The following LHX9 variants were observed in gnomAD, a reference collection of about 807,000 sequenced individuals.
LHX9 encodes LIM homeobox 9.
A neutral mutation model predicts 36.5 loss-of-function variants in LHX9; 9 were observed. The observed-to-expected ratio is 0.25, with a 90% CI of 0.15 to 0.43. The LOEUF is 0.43. Ranked by LOEUF, LHX9 falls within the 20% of genes least tolerant of loss-of-function variation. The pLI is 1.00. For synonymous variants in LHX9, 211 were observed against 212.1 expected (o/e 0.99, Z 0.04); for missense variants, 464 against 526.4 (o/e 0.88, Z 1.16).
At chr1:197,920,268 C>T (rs1358588511) in intron 2 of LHX9, 94 bp downstream of exon 2, 4 of 1,255,166 alleles carry the variant, frequency 3.2e-6, no homozygotes, top group South Asian at 1.3e-5. Flanking sequence ...CTACCTTTTG[C>T]CCCATTCCGG....
chr1:197,927,664 C>T lies in LHX9; in HGVS notation c.807C>T (p.Arg269=), dbSNP rs115445561. The T allele has an allele frequency of 1.6e-5, 26 of 1,614,198 alleles. No homozygotes were observed. In the African/African-American group the frequency reaches 3.1e-4, roughly 19 times the overall value. The change falls in exon 4 of 5, where the codon CGC becomes CGT. Residue 269 remains arginine, a synonymous_variant. Transcript: ENST00000367387. ...ATCCACCCTCGCAGAAGACCAAGCG[C>T]ATGCGAACCTCTTTCAAGCATCACC... The part of the protein sequence containing the change: ...QPYPPSQKTK[R]MRTSFKHHQL...
At chr1:197,926,068 A>C (rs963069494) in intron 3 of LHX9, among the ~76,000 whole-genome samples, 6 of 152,228 alleles carry the variant, frequency 3.9e-5, no homozygotes, top group Non-Finnish European at 7.3e-5. Flanking sequence ...TTTTTACATT[A>C]GGAAGAATTT....
In LHX9 at chr1:197,921,566, C is replaced by T. The variant is rs892127571; in HGVS notation, c.640C>T (p.Pro214Ser). 5 of 1,612,958 alleles carry T rather than the reference C, an allele frequency of 3.1e-6. No homozygotes were observed. Among genetic ancestry groups the T allele is most frequent in the Non-Finnish European group, 4.2e-6 (5 of 1,179,986 alleles). ...GGCCAAGAGCGGCGGCCTGGCCCTG[C>T]CTTACTTCAACGGTACGGGCACCGT... Reference protein sequence around the residue: ...LAAKSGGLALPYFNGTGTVQK... With the variant: ...LAAKSGGLALSYFNGTGTVQK... Residue 214 changes from proline to serine, a missense_variant, in exon 3 of 5, where the codon CCT becomes TCT. By Grantham distance (74) the Pro-to-Ser change is moderately conservative. Coordinates refer to ENST00000367387, the MANE Select transcript of LHX9 (RefSeq NM_020204.3). The surrounding 1 kb of genome is among the most constrained non-coding windows in gnomAD (Gnocchi z 4.6).
chr1:197,924,448 G>T (rs1660086669), intron 3 of LHX9, among the ~76,000 whole-genome samples: 1 of 152,188 alleles, frequency 6.6e-6, no homozygotes, highest in African/African-American at 2.4e-5. Context: ...CCCTAGTTTT[G>T]TTTATACCTC....
upstream of LHX9, among the ~76,000 whole-genome samples, chr1:197,913,560 C>T (rs1109965): frequency 0.42 from 63,086 of 151,982 alleles, 15,833 homozygotes; most frequent in Non-Finnish European, 0.56. Context: ...GAGAAAGGCC[C>T]CAGCGTGTCC....
intron 4 of LHX9, 65 bp downstream of exon 4, chr1:197,927,858 C>G: frequency 7.2e-7 from 1 of 1,392,242 alleles, no homozygotes; most frequent in Non-Finnish European, 1.0e-6. Context: ...AAATAGTGCT[C>G]TTCCCTGGTT....
Position 197,929,681 on chromosome 1 carries a change from A to G in LHX9, c.*422A>G. ...TAAAGAACCAGATAATTAATTAGTTACTTTTTAAATCTTGCAATTGTATGT... is the reference window on the plus strand; with the variant it reads ...TAAAGAACCAGATAATTAATTAGTTGCTTTTTAAATCTTGCAATTGTATGT... On this transcript the variant is annotated 3_prime_UTR_variant, in exon 5 of 5. Coordinates refer to ENST00000367387, the MANE Select transcript of LHX9 (RefSeq NM_020204.3). The G allele has an allele frequency of 1.1e-6, 1 of 923,796 alleles. No individual in the cohort carries two copies. The highest frequency in any genetic ancestry group is 1.8e-5 in the African/African-American group (1 of 56,118). 57.2% of individuals were successfully genotyped at this position (923,796 alleles called of 1,614,324 possible). A position where few individuals can be genotyped will look rare whatever the true frequency, so the allele number is the denominator to read the frequency against.
chr1:197,930,485 A>G lies in LHX9; in HGVS notation c.*1226A>G, dbSNP rs1312148635. The stretch of plus-strand genomic sequence containing the variant: ...TGTTCATCTATTACGCTTCTGTTGT[A>G]GTTAAATACCAATTAGATTGTGGAT... On this transcript the variant is annotated 3_prime_UTR_variant, in exon 5 of 5. Transcript: ENST00000367387. 3 of 152,002 alleles carry G rather than the reference A, an allele frequency of 2.0e-5. No individual in the cohort carries two copies. Among genetic ancestry groups the G allele is most frequent in the East Asian group, 1.9e-4 (1 of 5,198 alleles). The allele number at this position is 152,002 out of a possible 1,614,324, so 9.4% of individuals were successfully genotyped here.
chr1:197,927,851 T>C, intron 4 of LHX9, 58 bp downstream of exon 4: 2 of 1,449,554 alleles, frequency 1.4e-6, no homozygotes, highest in Non-Finnish European at 1.9e-6. Context: ...CCAGTAAAAA[T>C]AGTGCTCTTC....
rs1379669973 is a variant in LHX9 at position 197,917,818 on chromosome 1, G to T, written c.-6G>T. 1 of 1,614,098 alleles carries T rather than the reference G, an allele frequency of 6.2e-7. No homozygotes were observed. Among genetic ancestry groups the T allele is most frequent in the South Asian group, 1.1e-5 (1 of 91,062 alleles). ...CGGATGAGCTGAAAGCCCCGGGCGT[G>T]TGTATATGGAAATAGTGGGGTGCCG... On this transcript the variant is annotated 5_prime_UTR_variant, in exon 1 of 5. Coordinates refer to ENST00000367387, the MANE Select transcript of LHX9 (RefSeq NM_020204.3).
Position 197,935,338 on chromosome 1 carries a change from C to T in LHX9, c.*6079C>T, listed in dbSNP as rs1660424516. On this transcript the variant is annotated 3_prime_UTR_variant, in exon 5 of 5. Transcript: ENST00000367387. The stretch of plus-strand genomic sequence containing the variant: ...CTGGTGTGCATTTCTGTGTACTTTT[C>T]CCTCACATATTAGAATTGTCAGGAA... 1 of 152,102 alleles carries T rather than the reference C, an allele frequency of 6.6e-6. No individual in the cohort carries two copies. Among genetic ancestry groups the T allele is most frequent in the Non-Finnish European group, 1.5e-5 (1 of 68,008 alleles). The allele number at this position is 152,102 out of a possible 1,614,324, so 9.4% of individuals were successfully genotyped here.
At chr1:197,925,428 T>C (rs2102599754) in intron 3 of LHX9, among the ~76,000 whole-genome samples, 1 of 152,316 alleles carries the variant, frequency 6.6e-6, no homozygotes, top group Admixed American at 6.5e-5. Flanking sequence ...AAGTGTGAAA[T>C]TCAATTTGAT....
chr1:197,921,766 T>C lies in LHX9; in HGVS notation c.733+107T>C, dbSNP rs1659999743. ...TGCTGCAAGAGTGTGTTTTGCCCAA[T>C]GCCTCTGTTCTCACTGCAACTCCCT... On this transcript the variant is annotated intron_variant, in intron 3 of 4. Coordinates refer to ENST00000367387, the MANE Select transcript of LHX9 (RefSeq NM_020204.3). This position sits in a 1 kb window ranked among gnomAD's most constrained non-coding sequence, Gnocchi z 4.6. 1.1e-6 allele frequency: 1 copy of C among 925,126 alleles called. No individual in the cohort carries two copies. 57.3% of individuals were successfully genotyped at this position (925,126 alleles called of 1,614,324 possible).
At chr1:197,918,033 C>T (rs1237321140) in intron 1 of LHX9, 36 bp downstream of exon 1, 1 of 1,593,826 alleles carries the variant, frequency 6.3e-7, no homozygotes, top group African/African-American at 1.4e-5. Context: ...TAGCCGGGCA[C>T]CCCTGCGCCC....
At chr1:197,925,161 G>A (rs1175609982) in intron 3 of LHX9, among the ~76,000 whole-genome samples, 1 of 43,602 alleles carries the variant, frequency 2.3e-5, no homozygotes, top group African/African-American at 9.9e-5. Context: ...TATTTTATGT[G>A]GAAACAGGGC....
In LHX9 at chr1:197,922,053, GA is replaced by G. The variant is rs200406938; in HGVS notation, c.733+406del. Among the ~76,000 whole-genome samples the G allele has an allele frequency of 6.5e-3, 943 of 144,930 alleles. 6 individuals are homozygous for G. Among genetic ancestry groups the G allele is most frequent in the African/African-American group, 0.023 (875 of 38,700 alleles). The stretch of plus-strand genomic sequence containing the variant: ...TGTAGGAGGTTTCCTAAATACTGAA[GA>G]AAAAAAAAAAAGTCTACAGAGCCCA... On this transcript the variant is annotated intron_variant, in intron 3 of 4. Transcript: ENST00000367387.
Position 197,917,507 on chromosome 1 carries a change from A to T in LHX9, c.-317A>T. The T allele has an allele frequency of 7.1e-7, 1 of 1,400,618 alleles. No homozygotes were observed. Among genetic ancestry groups the T allele is most frequent in the African/African-American group, 1.4e-5 (1 of 69,440 alleles). 86.8% of individuals were successfully genotyped at this position (1,400,618 alleles called of 1,614,324 possible). A position where few individuals can be genotyped will look rare whatever the true frequency, so the allele number is the denominator to read the frequency against. On this transcript the variant is annotated 5_prime_UTR_variant, in exon 1 of 5. Transcript: ENST00000367387. Reference sequence around the variant, plus strand: ...GATTTTGTTTTCCTCCCCCCGCTGCAGTTGTTTCCCATTAGTAACTCGATC... The same window carrying T: ...GATTTTGTTTTCCTCCCCCCGCTGCTGTTGTTTCCCATTAGTAACTCGATC...
chr1:197,928,272 T>C lies in LHX9; in HGVS notation c.936+479T>C, dbSNP rs541161285. 4.2e-3 allele frequency among the ~76,000 whole-genome samples: 634 copies of C among 152,318 alleles called. 3 individuals are homozygous for C. The highest frequency in any genetic ancestry group is 6.1e-3 in the Non-Finnish European group (414 of 68,028). ...GTATGGTTAGTGTTTCAGCAACCAATTGGAGCAAGTATTTTCCTGCCTTAA... is the reference window on the plus strand; with the variant it reads ...GTATGGTTAGTGTTTCAGCAACCAACTGGAGCAAGTATTTTCCTGCCTTAA... On this transcript the variant is annotated intron_variant, in intron 4 of 4. Coordinates refer to ENST00000367387, the MANE Select transcript of LHX9 (RefSeq NM_020204.3).
At chr1:197,926,291 T>G (rs1053020033) in intron 3 of LHX9, among the ~76,000 whole-genome samples, 1 of 152,160 alleles carries the variant, frequency 6.6e-6, no homozygotes. Flanking sequence ...AAGATTCAGG[T>G]TTCTTTCTCC....
Sources: gnomAD v4.1 joint callset for allele counts (sites outside exome capture counted in the v4.1 genomes callset) on GRCh38, gnomAD v4.1.1 for gene constraint, Gnocchi (gnomAD v3.1) non-coding constraint, MANE v1.5 for transcripts, NCBI Gene and HGNC (gene_info 2026-07-23, HGNC 2026-07-21) for gene names.